The following FGD6 variants were observed in gnomAD, a reference collection of about 807,000 sequenced individuals.
FGD6 encodes the protein FYVE, RhoGEF and PH domain containing 6, also known as FYVE, RhoGEF and PH domain-containing protein 6.
A neutral mutation model predicts 149.4 loss-of-function variants in FGD6; 90 were observed. That is an observed-to-expected ratio of 0.60 (90% CI 0.51 to 0.72). The LOEUF is 0.72. Among genes scored for constraint, FGD6 ranks in the 30% least tolerant of loss-of-function variants. The pLI is 0.00. For synonymous variants in FGD6, 527 were observed against 584.0 expected (o/e 0.90, Z 1.41); for missense variants, 1,437 against 1,684.8 (o/e 0.85, Z 2.57).
intron 9 of FGD6, among the ~76,000 whole-genome samples, chr12:95,112,243 A>T (rs1017425209): frequency 5.8e-4 from 12 of 20,784 alleles, no homozygotes; most frequent in Non-Finnish European, 9.0e-4. Flanking sequence ...CAAAAAATTA[A>T]AAAAAAAAAA....
chr12:95,161,276 A>G (rs557687780), intron 3 of FGD6, among the ~76,000 whole-genome samples: 132 of 152,132 alleles, frequency 8.7e-4, no homozygotes, highest in African/African-American at 2.9e-3. Context: ...TGAGCGGATC[A>G]CTTGAGGTCA....
At chr12:95,189,886 A>G (rs4762660) in intron 2 of FGD6, among the ~76,000 whole-genome samples, 36,352 of 152,140 alleles carry the variant, frequency 0.24, 4,796 homozygotes, top group African/African-American at 0.34. Flanking sequence ...GATTTCCTTA[A>G]TAGTAATAGA....
chr12:95,101,686 T>TC (rs1327332101), intron 14 of FGD6, among the ~76,000 whole-genome samples: 1 of 142,752 alleles, frequency 7.0e-6, no homozygotes, highest in Non-Finnish European at 1.5e-5. Context: ...ACTTTCTTTT[T>TC]TTTTTTTTTT....
intron 8 of FGD6, among the ~76,000 whole-genome samples, chr12:95,130,143 A>G (rs575641207): frequency 6.6e-6 from 1 of 151,720 alleles, no homozygotes; most frequent in South Asian, 2.1e-4. Flanking sequence ...AGAATACCCT[A>G]TAGAAACCCA....
chr12:95,077,591 T>C lies in FGD6; in HGVS notation c.*3929A>G, dbSNP rs562600371. ...TGGGGATGAAACTAGATTAGAGCTA[T>C]GTTGTTGGAAGACTGCTCTGGCCGT... On this transcript the variant is annotated 3_prime_UTR_variant, in exon 21 of 21. Transcript: ENST00000343958. 6.6e-6 allele frequency: 1 copy of C among 152,290 alleles called. No individual in the cohort carries two copies. Among genetic ancestry groups the C allele is most frequent in the South Asian group, 2.1e-4 (1 of 4,816 alleles). 9.4% of individuals were successfully genotyped at this position (152,290 alleles called of 1,614,324 possible).
intron 2 of FGD6, among the ~76,000 whole-genome samples, chr12:95,190,524 T>C (rs1163651343): frequency 1.3e-5 from 2 of 152,192 alleles, no homozygotes; most frequent in Non-Finnish European, 2.9e-5. Flanking sequence ...TCTTAGGTAA[T>C]ACTCTTAAAT....
intron 2 of FGD6, among the ~76,000 whole-genome samples, chr12:95,192,344 GA>G (rs1201320423): frequency 6.6e-6 from 1 of 152,174 alleles, no homozygotes; most frequent in Non-Finnish European, 1.5e-5. Context: ...GAAGACCAAG[GA>G]AAGGGGTCCA....
intron 2 of FGD6, among the ~76,000 whole-genome samples, chr12:95,174,391 TAACAC>T (rs1775215896): frequency 6.6e-6 from 1 of 152,164 alleles, no homozygotes; most frequent in Non-Finnish European, 1.5e-5. Context: ...AAAACCCTGT[TAACAC>T]AACACATGTT....
At chr12:95,107,160 AC>A in intron 12 of FGD6, 123 bp from the exon 13 acceptor site, 1 of 699,752 alleles carries the variant, frequency 1.4e-6, no homozygotes, top group Non-Finnish European at 2.5e-6. Context: ...TGAATAAAAT[AC>A]TTATATTCTG....
intron 3 of FGD6, among the ~76,000 whole-genome samples, chr12:95,167,482 T>C (rs1880854529): frequency 6.6e-6 from 1 of 152,200 alleles, no homozygotes; most frequent in African/African-American, 2.4e-5. Flanking sequence ...GCTTATGATG[T>C]TGAACACCTT....
At chr12:95,165,517 TAG>T (rs1400309735) in intron 3 of FGD6, among the ~76,000 whole-genome samples, 32 of 151,210 alleles carry the variant, frequency 2.1e-4, no homozygotes, top group Admixed American at 2.1e-3. Context: ...TTATTTTTAG[TAG>T]AGACAGGTTG....
At chr12:95,165,867 GAACTCCTGGGCTCA>G (rs573482717) in intron 3 of FGD6, among the ~76,000 whole-genome samples, 61 of 150,858 alleles carry the variant, frequency 4.0e-4, no homozygotes, top group Non-Finnish European at 7.7e-4. Flanking sequence ...GATTGGTCTC[GAACTCCTGGGCTCA>G]AGAGATCTGT....
At chr12:95,196,787 A>C (rs1243397521) in intron 2 of FGD6, among the ~76,000 whole-genome samples, 1 of 151,572 alleles carries the variant, frequency 6.6e-6, no homozygotes, top group Admixed American at 6.6e-5. Flanking sequence ...CTATAGGTAC[A>C]TGCCACCATG....
intron 8 of FGD6, among the ~76,000 whole-genome samples, chr12:95,121,643 C>G (rs1483769544): frequency 6.6e-6 from 1 of 151,424 alleles, no homozygotes; most frequent in Non-Finnish European, 1.5e-5. Flanking sequence ...ATGTAGGAAC[C>G]TTAATTTGTT....
At chr12:95,194,822 T>A (rs1320649417) in intron 2 of FGD6, among the ~76,000 whole-genome samples, 1 of 152,204 alleles carries the variant, frequency 6.6e-6, no homozygotes, top group Non-Finnish European at 1.5e-5. Context: ...CTATAAAATG[T>A]TACCATTAAG....
intron 14 of FGD6, among the ~76,000 whole-genome samples, chr12:95,101,684 T>TC (rs916362856): frequency 9.2e-5 from 13 of 141,732 alleles, no homozygotes; most frequent in South Asian, 2.3e-4. Flanking sequence ...GAACTTTCTT[T>TC]TTTTTTTTTT....
Position 95,076,780 on chromosome 12 carries a change from C to T in FGD6, c.*4740G>A, listed in dbSNP as rs1877506514. 6.6e-6 allele frequency: 1 copy of T among 150,664 alleles called. No homozygotes were observed. Among genetic ancestry groups the T allele is most frequent in the African/African-American group, 2.4e-5 (1 of 40,860 alleles). 9.3% of individuals were successfully genotyped at this position (150,664 alleles called of 1,614,324 possible). On this transcript the variant is annotated 3_prime_UTR_variant, in exon 21 of 21. Transcript: ENST00000343958. ...ATAGTAAATTTATTTTGTATAAATA[C>T]ATATTAACATTATTTACAATGCTAA...
At chr12:95,193,536 T>TG in intron 2 of FGD6, among the ~76,000 whole-genome samples, 1 of 151,302 alleles carries the variant, frequency 6.6e-6, no homozygotes. Flanking sequence ...TCTTGTTTTT[T>TG]TTTTTTTTTT....
At chr12:95,088,549 T>A in intron 18 of FGD6, among the ~76,000 whole-genome samples, 1 of 152,124 alleles carries the variant, frequency 6.6e-6, no homozygotes, top group East Asian at 1.9e-4. Context: ...AAACATAGAA[T>A]TACCATATGA....
Sources: gnomAD v4.1 joint callset for allele counts (sites outside exome capture counted in the v4.1 genomes callset) on GRCh38, gnomAD v4.1.1 for gene constraint, MANE v1.5 for transcripts, NCBI Gene and HGNC (gene_info 2026-07-23, HGNC 2026-07-21) for gene names.